Variants in DCAF1 observed in about 807,000 individuals in gnomAD.
DCAF1 encodes DDB1- and CUL4-associated factor 1.
DCAF1 carries 15 observed loss-of-function variants against 128.0 expected under a neutral mutation model. That is an observed-to-expected ratio of 0.12 (90% CI 0.08 to 0.18). The LOEUF (loss-of-function observed/expected upper bound fraction) is 0.18. Ranked by LOEUF, DCAF1 falls within the 10% of genes least tolerant of loss-of-function variation. The pLI is 1.00. For synonymous variants in DCAF1, 610 were observed against 603.0 expected, an observed-to-expected ratio of 1.01 and a Z score of -0.17; for missense variants, 988 against 1,649.5, an observed-to-expected ratio of 0.60 and a Z score of 6.95.
intron 6 of DCAF1, among the ~76,000 whole-genome samples, chr3:51,461,215 G>GA (rs1489786110): frequency 1.3e-5 from 2 of 151,850 alleles, no homozygotes; most frequent in East Asian, 1.9e-4. Context: ...AAATTTATAA[G>GA]AAAAAAACAA....
At chr3:51,465,479 C>A (rs1278377622) in intron 5 of DCAF1, among the ~76,000 whole-genome samples, 2 of 152,196 alleles carry the variant, frequency 1.3e-5, no homozygotes, top group East Asian at 3.8e-4. Flanking sequence ...TGCAGTGGCT[C>A]ATGCCCGTAA....
At chr3:51,492,507 A>G (rs1466472897) in intron 2 of DCAF1, among the ~76,000 whole-genome samples, 1 of 152,030 alleles carries the variant, frequency 6.6e-6, no homozygotes, top group Non-Finnish European at 1.5e-5. Flanking sequence ...AAGGAGTGAG[A>G]CTTTGTCTTA....
At chr3:51,480,141 G>A (rs567767172) in intron 3 of DCAF1, among the ~76,000 whole-genome samples, 1 of 151,380 alleles carries the variant, frequency 6.6e-6, no homozygotes, top group East Asian at 1.9e-4. Flanking sequence ...TTTAATGATG[G>A]GGAGCCCAAA....
intron 7 of DCAF1, among the ~76,000 whole-genome samples, chr3:51,443,122 T>C (rs532454174): frequency 6.6e-6 from 1 of 152,280 alleles, no homozygotes; most frequent in African/African-American, 2.4e-5. Context: ...TGGATGGATA[T>C]TATAAGTGTT....
chr3:51,492,206 G>A (rs1413313410), intron 2 of DCAF1, among the ~76,000 whole-genome samples: 2 of 151,628 alleles, frequency 1.3e-5, no homozygotes, highest in Admixed American at 6.6e-5. Context: ...CCACAAAACA[G>A]CGAAGTTGGA....
At chr3:51,433,646 A>G (rs1253369980) in intron 9 of DCAF1, among the ~76,000 whole-genome samples, 1 of 151,430 alleles carries the variant, frequency 6.6e-6, no homozygotes, top group Non-Finnish European at 1.5e-5. Context: ...ATTTTTTAGT[A>G]GAGACGGGGT....
At chr3:51,460,802 A>G (rs1436680896) in intron 6 of DCAF1, among the ~76,000 whole-genome samples, 3 of 151,074 alleles carry the variant, frequency 2.0e-5, no homozygotes, top group East Asian at 1.9e-4. Flanking sequence ...CAAAAACAAG[A>G]AATGGGGAAA....
At chr3:51,504,046 T>C (rs1708883296), upstream of DCAF1, among the ~76,000 whole-genome samples, 1 of 151,028 alleles carries the variant, frequency 6.6e-6, no homozygotes, top group Non-Finnish European at 1.5e-5. Flanking sequence ...ATTTTTTTTT[T>C]TTTTTTTTTG....
Position 51,412,487 on chromosome 3 carries a change from T to G in DCAF1, c.4111-7A>C. Reference sequence around the variant, plus strand: ...CATCCATGCTGCCTTGATTCTGAAATAGAACATCCAGTCCATAAGGAGCAG... The same window carrying G: ...CATCCATGCTGCCTTGATTCTGAAAGAGAACATCCAGTCCATAAGGAGCAG... On this transcript the variant is annotated splice_region_variant and splice_polypyrimidine_tract_variant and intron_variant, in intron 22 of 24. Transcript: ENST00000684031. 1.2e-6 allele frequency: 2 copies of G among 1,613,800 alleles called. No homozygotes were observed. The highest frequency in any genetic ancestry group is 1.7e-6 in the Non-Finnish European group (2 of 1,179,818).
At chr3:51,416,139 A>C (rs1333030287) in intron 18 of DCAF1, among the ~76,000 whole-genome samples, 1 of 151,430 alleles carries the variant, frequency 6.6e-6, no homozygotes, top group Non-Finnish European at 1.5e-5. Context: ...TGTATCCTCT[A>C]CTCACCCACC....
At chr3:51,504,549 T>C (rs1038898856), upstream of DCAF1, among the ~76,000 whole-genome samples, 2 of 152,164 alleles carry the variant, frequency 1.3e-5, no homozygotes, top group Non-Finnish European at 2.9e-5. Context: ...GGTTTCACCA[T>C]GTTGGCCAGG....
intron 6 of DCAF1, among the ~76,000 whole-genome samples, chr3:51,451,137 G>A (rs1305521992): frequency 7.1e-5 from 8 of 112,198 alleles, no homozygotes; most frequent in African/African-American, 1.4e-4. Context: ...CACCCAGGCC[G>A]GAATGCAGTG....
At chr3:51,461,495 T>A (rs1290174616) in intron 6 of DCAF1, among the ~76,000 whole-genome samples, 1 of 151,982 alleles carries the variant, frequency 6.6e-6, no homozygotes, top group Non-Finnish European at 1.5e-5. Context: ...ATTGTGGAAG[T>A]CAGTGTGGCG....
chr3:51,420,021 G>A lies in DCAF1; in HGVS notation c.2949C>T (p.Ala983=). The A allele has an allele frequency of 6.2e-7, 1 of 1,614,028 alleles. No individual in the cohort carries two copies. The highest frequency in any genetic ancestry group is 8.5e-7 in the Non-Finnish European group (1 of 1,179,900). Residue 983 remains alanine (A), a synonymous_variant, in exon 15 of 25, where the codon GCC becomes GCT. Coordinates refer to ENST00000684031, the MANE Select transcript of DCAF1 (RefSeq NM_001387579.1). The surrounding 1 kb of genome is among the most constrained non-coding windows in gnomAD (Gnocchi z 6.5). ...TTTTTATGGCTGGGCTTTGGCTGTA[G>A]GCACCATGGTCCGACTTCTGCCGCA... The part of the protein sequence containing the change: ...RVLRQKSDHG[A]YSQSPAIKKQ...
intron 6 of DCAF1, among the ~76,000 whole-genome samples, chr3:51,460,688 G>A (rs1356083231): frequency 5.3e-5 from 8 of 152,104 alleles, no homozygotes; most frequent in African/African-American, 1.7e-4. Flanking sequence ...AACCAAAACA[G>A]CATGGTACTG....
chr3:51,453,951 C>CAAA (rs200483134), intron 6 of DCAF1, among the ~76,000 whole-genome samples: 1 of 129,704 alleles, frequency 7.7e-6, no homozygotes, highest in East Asian at 2.1e-4. Context: ...GACTCCATCT[C>CAAA]AAAAAAAAAA....
At chr3:51,416,653 T>A in intron 18 of DCAF1, 134 bp downstream of exon 18, 1 of 1,288,704 alleles carries the variant, frequency 7.8e-7, no homozygotes. Flanking sequence ...ATCATACTTT[T>A]AGATTCTAAC....
At chr3:51,415,761 G>T (rs1577075989) in intron 18 of DCAF1, among the ~76,000 whole-genome samples, 1 of 151,848 alleles carries the variant, frequency 6.6e-6, no homozygotes, top group Admixed American at 6.6e-5. Context: ...AGCCAATTTT[G>T]TTTATTTTTT....
chr3:51,481,794 C>A lies in DCAF1; in HGVS notation c.110+1925G>T, dbSNP rs186702475. On this transcript the variant is annotated intron_variant, in intron 3 of 24. Transcript: ENST00000684031. ...TCACTTGAGGTCAGGAGTTCGAGAA[C>A]AGCCTGGCCAACATGGCAAAACCCC... Among the ~76,000 whole-genome samples the A allele has an allele frequency of 2.7e-4, 41 of 152,186 alleles. 1 individual carries two copies. In the East Asian group the frequency reaches 4.5e-3, roughly 17 times the overall value.
Sources: gnomAD v4.1 joint callset for allele counts (sites outside exome capture counted in the v4.1 genomes callset) on GRCh38, gnomAD v4.1.1 for gene constraint, Gnocchi (gnomAD v3.1) non-coding constraint, MANE v1.5 for transcripts, NCBI Gene and HGNC (gene_info 2026-07-23, HGNC 2026-07-21) for gene names.